Variants in DRICH1 observed in about 807,000 individuals in gnomAD.
The protein encoded by DRICH1 is aspartate-rich protein 1.
DRICH1 carries 38 observed loss-of-function variants against 39.5 expected under a neutral mutation model. The ratio of observed to expected loss-of-function variants is 0.96; its 90% CI spans 0.74 to 1.26. The LOEUF (loss-of-function observed/expected upper bound fraction) is 1.26, where lower values mean the gene tolerates loss of function less well. Ranked by LOEUF, DRICH1 falls within the 50% of genes most tolerant of loss-of-function variation. The pLI, the probability that DRICH1 is intolerant of heterozygous loss-of-function variation, is 0.00. For synonymous variants in DRICH1, 84 were observed against 99.5 expected, an observed-to-expected ratio of 0.84 and a Z score of 0.93; for missense variants, 279 against 270.4, an observed-to-expected ratio of 1.03 and a Z score of -0.22.
the DRICH1 span, among the ~76,000 whole-genome samples, chr22:23,595,829 C>A: frequency 6.6e-6 from 1 of 152,164 alleles, no homozygotes; most frequent in African/African-American, 2.4e-5. Flanking sequence ...GGAAATAATT[C>A]TAAAGAGATC....
chr22:23,612,655 G>A (rs1011727760), intron 11 of DRICH1, among the ~76,000 whole-genome samples: 1 of 152,050 alleles, frequency 6.6e-6, no homozygotes, highest in African/African-American at 2.4e-5. Context: ...ATCTGTGATT[G>A]GGTTGGGCAG....
At chr22:23,619,188 A>C (rs1048027402) in intron 6 of DRICH1, among the ~76,000 whole-genome samples, 176 bp downstream of exon 6, 3 of 151,782 alleles carry the variant, frequency 2.0e-5, no homozygotes, top group African/African-American at 7.3e-5. Context: ...AAAAAAAAAA[A>C]AGAAAAAGAA....
chr22:23,611,385 T>G (rs944016442), intron 11 of DRICH1, among the ~76,000 whole-genome samples: 10 of 146,800 alleles, frequency 6.8e-5, no homozygotes, highest in Admixed American at 5.5e-4. Flanking sequence ...TGTTCTTATT[T>G]TCATTCATTT....
intron 11 of DRICH1, among the ~76,000 whole-genome samples, chr22:23,609,601 C>T (rs986239735): frequency 6.6e-6 from 1 of 152,124 alleles, no homozygotes. Context: ...AGCCCTGGGC[C>T]TCTCTGGGCT....
chr22:23,621,953 GAAA>G (rs2123784874), intron 4 of DRICH1, 135 bp downstream of exon 4: 11 of 813,440 alleles, frequency 1.4e-5, no homozygotes, highest in Admixed American at 9.9e-5. Flanking sequence ...AAAGAAAAAA[GAAA>G]CAAAGAAAGG....
At chr22:23,631,619 T>C (rs1374831069) in intron 1 of DRICH1, among the ~76,000 whole-genome samples, 197 bp downstream of exon 1, 1 of 151,912 alleles carries the variant, frequency 6.6e-6, no homozygotes, top group African/African-American at 2.4e-5. Flanking sequence ...GGCTCTCCCT[T>C]TTCTAGATCA....
the DRICH1 span, among the ~76,000 whole-genome samples, chr22:23,600,121 G>T: frequency 6.6e-6 from 1 of 152,302 alleles, no homozygotes; most frequent in East Asian, 1.9e-4. Flanking sequence ...GTCCATGAAG[G>T]AGGGACCCTG....
chr22:23,606,617 A>G (rs1436738469), downstream of DRICH1, among the ~76,000 whole-genome samples: 2 of 152,178 alleles, frequency 1.3e-5, no homozygotes, highest in African/African-American at 4.8e-5. Flanking sequence ...TGGGGTGGGA[A>G]GCGGGGGCTT....
chr22:23,626,111 G>A (rs1928047703), intron 1 of DRICH1, 63 bp from the exon 2 acceptor site: 2 of 1,168,524 alleles, frequency 1.7e-6, no homozygotes, highest in Non-Finnish European at 1.3e-6. Context: ...CCCTCAGGGA[G>A]CTTTGCTGGA....
chr22:23,608,488 G>T lies in DRICH1; in HGVS notation c.*276C>A. On this transcript the variant is annotated 3_prime_UTR_variant, in exon 12 of 12. Coordinates refer to ENST00000317749, the MANE Select transcript of DRICH1 (RefSeq NM_016449.4). ...AGTCTCTTTATTTCAAGTGGGAATGGCACTTTCTGCTCGTGGAGCACAGTC... is the reference window on the plus strand; with the variant it reads ...AGTCTCTTTATTTCAAGTGGGAATGTCACTTTCTGCTCGTGGAGCACAGTC... 4.0e-6 allele frequency: 2 copies of T among 501,298 alleles called. No homozygotes were observed. The highest frequency in any genetic ancestry group is 2.9e-5 in the East Asian group (1 of 34,106). The allele number at this position is 501,298 out of a possible 1,614,324, so 31.1% of individuals were successfully genotyped here. A position where few individuals can be genotyped will look rare whatever the true frequency, so the allele number is the denominator to read the frequency against.
intron 5 of DRICH1, 42 bp downstream of exon 5, chr22:23,620,552 C>T: frequency 6.8e-7 from 1 of 1,467,120 alleles, no homozygotes; most frequent in East Asian, 2.3e-5. Context: ...TTAAAGCCAG[C>T]AAGTTTGTTT....
At chr22:23,589,137 A>G in the DRICH1 span, among the ~76,000 whole-genome samples, 1 of 151,126 alleles carries the variant, frequency 6.6e-6, no homozygotes, top group South Asian at 2.1e-4. Context: ...CCCCTTTGAT[A>G]TTCTATAACT....
At chr22:23,625,914 T>A in intron 2 of DRICH1, 67 bp downstream of exon 2, 1 of 1,277,552 alleles carries the variant, frequency 7.8e-7, no homozygotes, top group Non-Finnish European at 1.1e-6. Flanking sequence ...TGGGTTTAGA[T>A]GGGTGAATTT....
intron 2 of DRICH1, 41 bp from the exon 3 acceptor site, chr22:23,624,945 A>G: frequency 3.7e-6 from 6 of 1,604,146 alleles, no homozygotes; most frequent in Non-Finnish European, 5.1e-6. Context: ...GATCAGATCA[A>G]TTCTGCTGCA....
At chr22:23,626,705 G>T (rs1928085059) in intron 1 of DRICH1, among the ~76,000 whole-genome samples, 1 of 152,100 alleles carries the variant, frequency 6.6e-6, no homozygotes, top group Admixed American at 6.5e-5. Context: ...GGCCACACTG[G>T]GTTGCACAAG....
the DRICH1 span, among the ~76,000 whole-genome samples, chr22:23,601,142 G>GCA: frequency 7.2e-6 from 1 of 138,996 alleles, no homozygotes; most frequent in Admixed American, 7.1e-5. Flanking sequence ...CCTAACGCAC[G>GCA]CGCGCACACA....
chr22:23,597,419 A>G, the DRICH1 span, among the ~76,000 whole-genome samples: 1 of 135,808 alleles, frequency 7.4e-6, no homozygotes, highest in South Asian at 2.6e-4. Flanking sequence ...CAGTGCATCT[A>G]TTGAGCCCTG....
At chr22:23,631,717 G>A (rs1307138709) in intron 1 of DRICH1, 99 bp downstream of exon 1, 4 of 981,582 alleles carry the variant, frequency 4.1e-6, no homozygotes, top group East Asian at 2.6e-5. Flanking sequence ...ACAGGAGGGA[G>A]CTGGAAGCTG....
intron 6 of DRICH1, among the ~76,000 whole-genome samples, 175 bp from the exon 7 acceptor site, chr22:23,617,832 T>A (rs1396624336): frequency 6.6e-6 from 1 of 152,148 alleles, no homozygotes; most frequent in Non-Finnish European, 1.5e-5. Context: ...GGCCTTGGCC[T>A]TGTACTAGAG....
Sources: gnomAD v4.1 joint callset for allele counts (sites outside exome capture counted in the v4.1 genomes callset) on GRCh38, gnomAD v4.1.1 for gene constraint, MANE v1.5 for transcripts, NCBI Gene and HGNC (gene_info 2026-07-23, HGNC 2026-07-21) for gene names.